The following ASRGL1 variants were observed in gnomAD, a reference collection of about 807,000 sequenced individuals.
ASRGL1 encodes isoaspartyl peptidase/L-asparaginase.
In ASRGL1, 16 loss-of-function variants were observed where a neutral mutation model predicts 22.4. The ratio of observed to expected loss-of-function variants is 0.71; its 90% CI spans 0.48 to 1.08. The LOEUF (loss-of-function observed/expected upper bound fraction) is 1.08. ASRGL1 is among the 50% of genes least tolerant of loss of function. The probability of loss-of-function intolerance (pLI) is 0.00; values close to 1 mark genes in which losing one functional copy is unlikely to be tolerated. For synonymous variants in ASRGL1, 165 were observed against 159.3 expected (o/e 1.04, Z -0.27); for missense variants, 412 against 410.1 (o/e 1.00, Z -0.04).
At chr11:62,373,294 T>G (rs865976109) in intron 4 of ASRGL1, 16 of 640,824 alleles carry the variant, frequency 2.5e-5, no homozygotes, top group African/African-American at 2.2e-4. Flanking sequence ...AGGTGCATTT[T>G]TATTTAGACT....
At position 62,392,347 on chromosome 11, in the gene ASRGL1, A is replaced by G. The variant is rs1419517827; in HGVS notation, c.*63A>G. 4 of 1,566,848 alleles carry G rather than the reference A, an allele frequency of 2.6e-6. No homozygotes were observed. Among genetic ancestry groups the G allele is most frequent in the African/African-American group, 2.7e-5 (2 of 73,774 alleles). On this transcript the variant is annotated 3_prime_UTR_variant, in exon 7 of 7. Transcript: ENST00000415229. ...GTCAAGTACAGTCTCCTCATGAGAC[A>G]TAGCCTAATCAATTAGATCTAGAAT...
At chr11:62,375,459 T>TATATAC (rs1946897629) in intron 4 of ASRGL1, among the ~76,000 whole-genome samples, 1 of 111,558 alleles carries the variant, frequency 9.0e-6, no homozygotes, top group African/African-American at 3.3e-5. Context: ...TATATATATA[T>TATATAC]ATATATATAT....
At chr11:62,356,044 A>C (rs1590718072) in intron 2 of ASRGL1, among the ~76,000 whole-genome samples, 1 of 152,228 alleles carries the variant, frequency 6.6e-6, no homozygotes, top group Non-Finnish European at 1.5e-5. Flanking sequence ...CACGGCAACC[A>C]TCCGACTTCT....
intron 2 of ASRGL1, among the ~76,000 whole-genome samples, chr11:62,354,983 C>T (rs1946244961): frequency 6.6e-6 from 1 of 151,992 alleles, no homozygotes; most frequent in African/African-American, 2.4e-5. Context: ...ACTCTGTCAC[C>T]CTTGGCTCAT....
At chr11:62,356,107 A>C (rs890337736) in intron 2 of ASRGL1, among the ~76,000 whole-genome samples, 1 of 152,000 alleles carries the variant, frequency 6.6e-6, no homozygotes, top group Non-Finnish European at 1.5e-5. Context: ...CGCCATTGTC[A>C]TCATGGCCCG....
At chr11:62,385,179 AT>A (rs141380541) in intron 4 of ASRGL1, among the ~76,000 whole-genome samples, 33,132 of 151,336 alleles carry the variant, frequency 0.22, 4,390 homozygotes, top group South Asian at 0.35. Flanking sequence ...TGTTACTTTA[AT>A]TTGCTCTTCC....
chr11:62,386,771 G>A (rs889467986), intron 4 of ASRGL1, among the ~76,000 whole-genome samples: 1 of 152,092 alleles, frequency 6.6e-6, no homozygotes, highest in Non-Finnish European at 1.5e-5. Context: ...CAAAGATGTT[G>A]GTACAATTGA....
At chr11:62,338,212 CTCCTTCTTCAGAATAAA>C (rs1162922702) in intron 2 of ASRGL1, 45 bp downstream of exon 2, 23 of 1,467,596 alleles carry the variant, frequency 1.6e-5, no homozygotes, top group Non-Finnish European at 1.9e-5. Flanking sequence ...TCAGGTCAAG[CTCCTTCTTCAGAATAAA>C]TAGAACCTAC....
downstream of ASRGL1, among the ~76,000 whole-genome samples, chr11:62,395,771 T>C (rs1232146296): frequency 2.0e-5 from 2 of 102,044 alleles, no homozygotes; most frequent in African/African-American, 7.0e-5. Flanking sequence ...TTTTTTTTTT[T>C]TTTTTTTTTT....
At chr11:62,397,806 G>A (rs2134715849), downstream of ASRGL1, among the ~76,000 whole-genome samples, 1 of 152,252 alleles carries the variant, frequency 6.6e-6, no homozygotes, top group Middle Eastern at 3.4e-3. Context: ...ACCATGCCAT[G>A]TATGTTTCAG....
intron 2 of ASRGL1, among the ~76,000 whole-genome samples, chr11:62,351,124 T>C (rs1373094939): frequency 6.6e-6 from 1 of 152,248 alleles, no homozygotes; most frequent in Non-Finnish European, 1.5e-5. Context: ...TTTTACCATT[T>C]AAGCAGACCC....
intron 4 of ASRGL1, chr11:62,382,265 C>CCCCACT (rs1344173869): frequency 2.0e-5 from 3 of 151,802 alleles, no homozygotes; most frequent in African/African-American, 7.3e-5. Context: ...TACGGAGGAC[C>CCCCACT]CCCACCGGCA....
At chr11:62,373,219 G>C (rs1946822459) in intron 4 of ASRGL1, 1 of 889,116 alleles carries the variant, frequency 1.1e-6, no homozygotes. Flanking sequence ...CATGGCAGCT[G>C]TCATTTCCAT....
intron 4 of ASRGL1, among the ~76,000 whole-genome samples, chr11:62,367,194 C>T (rs557132766): frequency 2.6e-5 from 4 of 151,990 alleles, no homozygotes; most frequent in East Asian, 3.9e-4. Flanking sequence ...AAAAATTAGC[C>T]GGGCATGGTG....
chr11:62,349,646 G>A (rs916197729), intron 2 of ASRGL1, among the ~76,000 whole-genome samples: 2 of 152,084 alleles, frequency 1.3e-5, no homozygotes, highest in African/African-American at 2.4e-5. Context: ...GTTACCAGAC[G>A]GGTCCCGATC....
At position 62,338,168 on chromosome 11, in the gene ASRGL1, G is replaced by T; in HGVS notation, c.190+1G>T. ...GAAGACGATCCCGAGTTCAACGCAG[G>T]TAAATGTGCCTTTCAGCTAGTAAAT... is the stretch of plus-strand genomic sequence containing the variant. On this transcript the variant is annotated splice_donor_variant, in intron 2 of 6. Coordinates refer to ENST00000415229, the MANE Select transcript of ASRGL1 (RefSeq NM_001083926.2). LOFTEE classifies it high-confidence loss of function. 1 of 1,554,542 alleles carries T rather than the reference G, an allele frequency of 6.4e-7. No homozygotes were observed. The highest frequency in any genetic ancestry group is 8.7e-7 in the Non-Finnish European group (1 of 1,152,572).
At chr11:62,375,200 G>A (rs901627229) in intron 4 of ASRGL1, among the ~76,000 whole-genome samples, 1 of 151,852 alleles carries the variant, frequency 6.6e-6, no homozygotes, top group African/African-American at 2.4e-5. Flanking sequence ...GCTTCCTAAT[G>A]GGTTAAATCC....
At chr11:62,374,987 AG>A (rs1158112671) in intron 4 of ASRGL1, among the ~76,000 whole-genome samples, 1 of 151,264 alleles carries the variant, frequency 6.6e-6, no homozygotes, top group Non-Finnish European at 1.5e-5. Flanking sequence ...GGTCACCGAG[AG>A]GGTTGAGGAC....
intron 4 of ASRGL1, chr11:62,372,441 C>T: frequency 5.2e-6 from 8 of 1,545,892 alleles, no homozygotes; most frequent in Non-Finnish European, 6.2e-6. Flanking sequence ...ACCTCTATTC[C>T]TTTGGGTGCC....
Sources: gnomAD v4.1 joint callset for allele counts (sites outside exome capture counted in the v4.1 genomes callset) on GRCh38, gnomAD v4.1.1 for gene constraint, MANE v1.5 for transcripts, NCBI Gene and HGNC (gene_info 2026-07-23, HGNC 2026-07-21) for gene names.